Variants in TRIO observed in about 807,000 individuals in gnomAD.
TRIO encodes the protein triple functional domain protein.
Under a neutral mutation model 351.9 loss-of-function variants are expected in TRIO, and 58 were observed. That is an observed-to-expected ratio of 0.16 (90% CI 0.13 to 0.21). The LOEUF is 0.21. Among genes scored for constraint, TRIO ranks in the 10% least tolerant of loss-of-function variants. TRIO has a pLI of 1.00. For synonymous variants in TRIO, 1,758 were observed against 1,595.7 expected, an observed-to-expected ratio of 1.10 and a Z score of -2.42; for missense variants, 3,201 against 4,027.8, an observed-to-expected ratio of 0.79 and a Z score of 5.56.
rs572749937 is a variant in TRIO, at chr5:14,499,771, G to C, written c.8332+1131G>C. Among the ~76,000 whole-genome samples, 25 of 152,028 alleles carry C rather than the reference G, an allele frequency of 1.6e-4. No individual in the cohort carries two copies. The South Asian group carries it at 1.9e-3, about 11-fold the overall frequency. ...GGACTTTAGAAAGGTATACTATTCA[G>C]CTGGGCGTAGTGGCTCACACCTGTA... On this transcript the variant is annotated intron_variant, in intron 53 of 56. Transcript: ENST00000344204.
intron 1 of TRIO, among the ~76,000 whole-genome samples, chr5:14,262,379 C>T (rs1795400571): frequency 1.3e-5 from 2 of 152,056 alleles, no homozygotes; most frequent in Middle Eastern, 3.4e-3. Context: ...TGTGGCTTCC[C>T]TGCAGGTAAT....
chr5:14,426,197 A>G (rs1750625082), intron 34 of TRIO, among the ~76,000 whole-genome samples: 1 of 151,236 alleles, frequency 6.6e-6, no homozygotes, highest in African/African-American at 2.4e-5. Context: ...CACATGTCCA[A>G]CAAGACCTTT....
chr5:14,263,185 C>T (rs1291293903), intron 1 of TRIO, among the ~76,000 whole-genome samples: 1 of 152,180 alleles, frequency 6.6e-6, no homozygotes, highest in South Asian at 2.1e-4. Flanking sequence ...GAACTGACAA[C>T]TCATATGTGT....
At chr5:14,330,237 C>T (rs931765117) in intron 9 of TRIO, among the ~76,000 whole-genome samples, 1 of 152,124 alleles carries the variant, frequency 6.6e-6, no homozygotes, top group African/African-American at 2.4e-5. Flanking sequence ...GCTTTTGCAG[C>T]ATCTTAGTTT....
rs187376647 is a variant in TRIO at position 14,236,289 on chromosome 5, A to C, written c.158-34536A>C. Among the ~76,000 whole-genome samples, 246 of 152,340 alleles carry C rather than the reference A, an allele frequency of 1.6e-3. 1 individual carries two copies. Among genetic ancestry groups the C allele is most frequent in the African/African-American group, 5.7e-3 (236 of 41,566 alleles). ...TTTCATTTTTTCTATACAGTGATAAAAACATTTTATGAAAAAATTGTCCTG... is the reference window on the plus strand; with the variant it reads ...TTTCATTTTTTCTATACAGTGATAACAACATTTTATGAAAAAATTGTCCTG... On this transcript the variant is annotated intron_variant, in intron 1 of 56. Coordinates refer to ENST00000344204, the MANE Select transcript of TRIO (RefSeq NM_007118.4).
In TRIO at chr5:14,286,277, T is replaced by A. The variant is rs1321540496; in HGVS notation, c.348-594T>A. Among the ~76,000 whole-genome samples, 1 of 151,802 alleles carries A rather than the reference T, an allele frequency of 6.6e-6. No individual in the cohort carries two copies. The highest frequency in any genetic ancestry group is 1.5e-5 in the Non-Finnish European group (1 of 67,940). On this transcript the variant is annotated intron_variant, in intron 3 of 56. Coordinates refer to ENST00000344204, the MANE Select transcript of TRIO (RefSeq NM_007118.4). The surrounding 1 kb of genome is among the most constrained non-coding windows in gnomAD (Gnocchi z 4.4). ...GGTGCCAAGAACTCCCAGGGACGGG[T>A]GGATGGTATGGAAAACCACTGAGAT...
chr5:14,265,084 T>C (rs902284405), intron 1 of TRIO, among the ~76,000 whole-genome samples: 3 of 65,096 alleles, frequency 4.6e-5, no homozygotes, highest in African/African-American at 1.6e-4. Flanking sequence ...TGTAGGATTC[T>C]TTTTTTTTTT....
intron 34 of TRIO, among the ~76,000 whole-genome samples, chr5:14,445,926 C>G (rs1261927958): frequency 6.6e-6 from 1 of 152,238 alleles, no homozygotes; most frequent in Non-Finnish European, 1.5e-5. Context: ...CCACCACAGG[C>G]ACTCTGAGCC....
At chr5:14,448,326 C>T (rs1348432282) in intron 34 of TRIO, among the ~76,000 whole-genome samples, 5 of 152,238 alleles carry the variant, frequency 3.3e-5, no homozygotes, top group South Asian at 2.1e-4. Flanking sequence ...AGCAGGCTGT[C>T]GCTCCTTGCC....
chr5:14,389,163 A>G, intron 24 of TRIO, 126 bp from the exon 25 acceptor site: 1 of 652,496 alleles, frequency 1.5e-6, no homozygotes, highest in South Asian at 2.9e-5. Flanking sequence ...GTTTTGTAAA[A>G]GGGTCCAGTC....
chr5:14,454,905 C>T (rs574525751), intron 34 of TRIO, among the ~76,000 whole-genome samples: 6 of 152,242 alleles, frequency 3.9e-5, no homozygotes, highest in African/African-American at 9.6e-5. Context: ...TTGGTGGGTT[C>T]GTGGGCTCAC....
chr5:14,263,130 C>T (rs1795459126), intron 1 of TRIO, among the ~76,000 whole-genome samples: 1 of 152,318 alleles, frequency 6.6e-6, no homozygotes, highest in South Asian at 2.1e-4. Context: ...CTCCTATTCT[C>T]ATCGCTCTGG....
intron 40 of TRIO, among the ~76,000 whole-genome samples, chr5:14,474,965 A>T (rs1357833805): frequency 1.3e-5 from 2 of 152,078 alleles, no homozygotes; most frequent in African/African-American, 4.8e-5. Flanking sequence ...ATGAGCCACC[A>T]CGCCTGGCCC....
At chr5:14,355,861 T>C (rs1253442884) in intron 11 of TRIO, among the ~76,000 whole-genome samples, 1 of 152,230 alleles carries the variant, frequency 6.6e-6, no homozygotes, top group East Asian at 1.9e-4. Flanking sequence ...CTCAGTATTC[T>C]TTCTGATACC....
intron 8 of TRIO, among the ~76,000 whole-genome samples, chr5:14,305,920 A>C (rs1170201164): frequency 1.3e-5 from 2 of 152,260 alleles, no homozygotes; most frequent in Admixed American, 1.3e-4. Flanking sequence ...ATTGTGGTAC[A>C]GTTGCCTACA....
At position 14,421,899 on chromosome 5, in the gene TRIO, T is replaced by C. The variant is rs951414689; in HGVS notation, c.5203+1878T>C. 3.3e-5 allele frequency among the ~76,000 whole-genome samples: 5 copies of C among 152,286 alleles called. No homozygotes were observed. The East Asian group carries it at 9.7e-4, about 29-fold the overall frequency. ...ATAGGAACTGCAGGAGCAGGAGGCC[T>C]CTGTCCCCTGGGAAGCAGAGACCCA... On this transcript the variant is annotated intron_variant, in intron 34 of 56. Transcript: ENST00000344204.
chr5:14,296,136 G>A (rs1737340871), intron 6 of TRIO, among the ~76,000 whole-genome samples: 1 of 152,120 alleles, frequency 6.6e-6, no homozygotes, highest in Admixed American at 6.5e-5. Flanking sequence ...GTGAGAGAAG[G>A]GGGAAAAACG....
chr5:14,408,877 A>T (rs865876320), intron 33 of TRIO, among the ~76,000 whole-genome samples: 93 of 152,274 alleles, frequency 6.1e-4, no homozygotes, highest in African/African-American at 1.8e-3. Context: ...TTTTTTAAAA[A>T]AAAAAAAGTA....
intron 1 of TRIO, among the ~76,000 whole-genome samples, chr5:14,247,715 A>G (rs1376393531): frequency 6.6e-6 from 1 of 152,218 alleles, no homozygotes. Flanking sequence ...TAAAGTTGAT[A>G]AGTTGGAATA....
Sources: gnomAD v4.1 joint callset for allele counts (sites outside exome capture counted in the v4.1 genomes callset) on GRCh38, gnomAD v4.1.1 for gene constraint, Gnocchi (gnomAD v3.1) non-coding constraint, MANE v1.5 for transcripts, NCBI Gene and HGNC (gene_info 2026-07-23, HGNC 2026-07-21) for gene names.